PLA2G5: variants seen among roughly 807,000 people sequenced by gnomAD.
The protein encoded by PLA2G5 is phospholipase A2 group V, also known as Ca2+-dependent phospholipase A2.
In PLA2G5, 12 loss-of-function variants were observed where a neutral mutation model predicts 15.9. That is an observed-to-expected ratio of 0.76 (90% CI 0.48 to 1.23). PLA2G5 has a LOEUF of 1.23. Among genes scored for constraint, PLA2G5 ranks in the 50% most tolerant of loss-of-function variants. The pLI is 0.00. For missense variants in PLA2G5, 169 were observed against 177.1 expected, an observed-to-expected ratio of 0.95 and a Z score of 0.26; for synonymous variants, 71 against 71.4, an observed-to-expected ratio of 0.99 and a Z score of 0.03.
intron 1 of PLA2G5, among the ~76,000 whole-genome samples, chr1:20,053,003 A>G (rs1302016832): frequency 6.6e-6 from 1 of 152,120 alleles, no homozygotes; most frequent in Non-Finnish European, 1.5e-5. Context: ...GGACCAAACC[A>G]ATGTTCATCT....
intron 1 of PLA2G5, among the ~76,000 whole-genome samples, chr1:20,080,517 G>A (rs2015949727): frequency 6.6e-6 from 1 of 152,200 alleles, no homozygotes; most frequent in Non-Finnish European, 1.5e-5. Flanking sequence ...GGGAGGCAGA[G>A]GCTGCAGTGA....
At position 20,080,729 on chromosome 1, in the gene PLA2G5, A is replaced by G. The variant is rs11573242; in HGVS notation, c.-10-4092A>G. Among the ~76,000 whole-genome samples the G allele has an allele frequency of 1.5e-4, 23 of 151,968 alleles. 1 individual carries two copies. Among genetic ancestry groups the G allele is most frequent in the Admixed American group, 1.5e-3 (23 of 15,292 alleles). On this transcript the variant is annotated intron_variant, in intron 1 of 4. Transcript: ENST00000375108. ...CATGCAGGGGTGTGGGAGGTGACAG[A>G]GAGGTCTTTAAAACCAGGTGGGCCC...
rs773798443 is a variant in PLA2G5 at position 20,090,525 on chromosome 1, A to C, written c.293-43A>C. 9 of 1,611,704 alleles carry C rather than the reference A, an allele frequency of 5.6e-6. No individual in the cohort carries two copies. In the Middle Eastern group the frequency reaches 1.2e-3, roughly 208 times the overall value. On this transcript the variant is annotated intron_variant, in intron 4 of 4. Coordinates refer to ENST00000375108, the MANE Select transcript of PLA2G5 (RefSeq NM_000929.3). ...ATGGGGTCTCTGCTGAGACTGGAGC[A>C]TGCTCTTCCCACCCTCATTCTGCTC... is the stretch of plus-strand genomic sequence containing the variant.
intron 1 of PLA2G5, 33 bp downstream of exon 1, chr1:20,070,498 G>A: frequency 1.0e-6 from 1 of 984,356 alleles, no homozygotes; most frequent in Non-Finnish European, 1.2e-6. Flanking sequence ...ATAAATTGGG[G>A]GTTGTGGAGG....
chr1:20,074,251 C>G (rs372172294), intron 1 of PLA2G5, among the ~76,000 whole-genome samples: 2 of 152,220 alleles, frequency 1.3e-5, no homozygotes, highest in East Asian at 3.9e-4. Flanking sequence ...TGCGGGCATC[C>G]TGGAGCCCAT....
At chr1:20,088,316 C>T (rs776080350) in intron 3 of PLA2G5, among the ~76,000 whole-genome samples, 15 of 151,260 alleles carry the variant, frequency 9.9e-5, no homozygotes, top group South Asian at 2.1e-4. Flanking sequence ...GCTGAGATCG[C>T]GCCATTGCAC....
chr1:20,087,844 G>A (rs1173591403), intron 3 of PLA2G5, among the ~76,000 whole-genome samples: 1 of 152,184 alleles, frequency 6.6e-6, no homozygotes, highest in Non-Finnish European at 1.5e-5. Context: ...GATGTGACAA[G>A]TGGCACCTGT....
At chr1:20,082,451 C>T (rs2016083500) in intron 1 of PLA2G5, among the ~76,000 whole-genome samples, 1 of 151,922 alleles carries the variant, frequency 6.6e-6, no homozygotes, top group South Asian at 2.1e-4. Flanking sequence ...GCCATTTTGC[C>T]TCTTCATGCA....
In PLA2G5 at chr1:20,086,189, C is replaced by G. The variant is rs1362380485; in HGVS notation, c.147C>G (p.Gly49=). The change falls in exon 3 of 5, where the codon GGC becomes GGG. Residue 49 remains glycine (G), a synonymous_variant. Coordinates refer to ENST00000375108, the MANE Select transcript of PLA2G5 (RefSeq NM_000929.3). Reference sequence around the variant, plus strand: ...ACGGCTTCTACGGCTGTTACTGCGGCTGGGGCGGCCGAGGAACCCCCAAGG... The same window carrying G: ...ACGGCTTCTACGGCTGTTACTGCGGGTGGGGCGGCCGAGGAACCCCCAAGG... ...TNYGFYGCYC[G]WGGRGTPKDG... 1.9e-6 allele frequency: 3 copies of G among 1,614,170 alleles called. No homozygotes were observed. The highest frequency in any genetic ancestry group is 2.5e-6 in the Non-Finnish European group (3 of 1,180,024).
At chr1:20,039,215 T>C (rs2013450555) in intron 1 of PLA2G5, among the ~76,000 whole-genome samples, 1 of 152,212 alleles carries the variant, frequency 6.6e-6, no homozygotes, top group African/African-American at 2.4e-5. Flanking sequence ...AGGAGAGGGC[T>C]TCTCTGAGAA....
At chr1:20,059,068 G>A (rs1395441287) in intron 1 of PLA2G5, among the ~76,000 whole-genome samples, 1 of 147,880 alleles carries the variant, frequency 6.8e-6, no homozygotes, top group Non-Finnish European at 1.5e-5. Context: ...CAGCTACTCA[G>A]GAGGCTGAGG....
At chr1:20,048,435 T>G (rs927818284) in intron 1 of PLA2G5, among the ~76,000 whole-genome samples, 1 of 152,172 alleles carries the variant, frequency 6.6e-6, no homozygotes, top group South Asian at 2.1e-4. Flanking sequence ...CAGAATGATC[T>G]TTGCTTGTGT....
chr1:20,067,146 C>A (rs150311092), upstream of PLA2G5, among the ~76,000 whole-genome samples: 346 of 152,230 alleles, frequency 2.3e-3, 3 homozygotes, highest in African/African-American at 8.0e-3. Context: ...ACGTGCACAC[C>A]ACCATGCCCA....
intron 1 of PLA2G5, among the ~76,000 whole-genome samples, chr1:20,080,743 C>G (rs1357162014): frequency 6.6e-6 from 1 of 151,816 alleles, no homozygotes; most frequent in Non-Finnish European, 1.5e-5. Flanking sequence ...GTCTTTAAAA[C>G]CAGGTGGGCC....
intron 1 of PLA2G5, among the ~76,000 whole-genome samples, chr1:20,049,739 A>G (rs1557730147): frequency 6.6e-6 from 1 of 152,110 alleles, no homozygotes; most frequent in Non-Finnish European, 1.5e-5. Flanking sequence ...AGTCCATTAA[A>G]CCTCTTTCCT....
chr1:20,031,548 AG>A (rs2012941046), intron 1 of PLA2G5, among the ~76,000 whole-genome samples: 1 of 151,940 alleles, frequency 6.6e-6, no homozygotes, highest in Non-Finnish European at 1.5e-5. Context: ...ACCAGATAAA[AG>A]ATTTGAAATT....
intron 1 of PLA2G5, among the ~76,000 whole-genome samples, chr1:20,046,620 C>T (rs532867840): frequency 6.6e-6 from 1 of 152,236 alleles, no homozygotes; most frequent in African/African-American, 2.4e-5. Context: ...TGTGGAATTT[C>T]GAGAGTCATG....
intron 1 of PLA2G5, among the ~76,000 whole-genome samples, chr1:20,056,125 G>A (rs750995275): frequency 5.9e-5 from 9 of 152,132 alleles, no homozygotes; most frequent in South Asian, 2.1e-4. Flanking sequence ...TTTTAGAGCT[G>A]CGAGGTTCAA....
chr1:20,040,935 G>A (rs2013558770), intron 1 of PLA2G5, among the ~76,000 whole-genome samples: 1 of 152,118 alleles, frequency 6.6e-6, no homozygotes, highest in East Asian at 1.9e-4. Flanking sequence ...TGCCTTTCTG[G>A]ACCGAGCCAG....
Sources: gnomAD v4.1 joint callset for allele counts (sites outside exome capture counted in the v4.1 genomes callset) on GRCh38, gnomAD v4.1.1 for gene constraint, MANE v1.5 for transcripts, NCBI Gene and HGNC (gene_info 2026-07-23, HGNC 2026-07-21) for gene names.